PAAF1: variants seen among roughly 807,000 people sequenced by gnomAD.
PAAF1 encodes the protein proteasomal ATPase-associated factor 1.
PAAF1 carries 46 observed loss-of-function variants against 52.8 expected under a neutral mutation model. The observed-to-expected ratio is 0.87, with a 90% confidence interval of 0.69 to 1.11. The LOEUF is 1.11. PAAF1 is among the 50% of genes most tolerant of loss of function. The probability of loss-of-function intolerance (pLI) is 0.00; values close to 1 mark genes in which losing one functional copy is unlikely to be tolerated. For synonymous variants in PAAF1, 178 were observed against 172.8 expected (o/e 1.03, Z -0.24); for missense variants, 424 against 477.4 (o/e 0.89, Z 1.04).
In PAAF1 at chr11:73,900,370, G is replaced by T; in HGVS notation, c.482G>T (p.Trp161Leu). 6.2e-7 allele frequency: 1 copy of T among 1,612,456 alleles called. No homozygotes were observed. Among genetic ancestry groups the T allele is most frequent in the Non-Finnish European group, 8.5e-7 (1 of 1,178,858 alleles). ...SGGMDAQLKI[W>L]SAEDASCVVT... is the part of the protein sequence containing the mutation. ...GGAATGGATGCCCAGCTGAAGATAT[G>T]GTCAGCTGAAGATGCTAGCTGCGTG... Residue 161 changes from tryptophan to leucine, a missense_variant, in exon 6 of 12, where the codon TGG (tryptophan) becomes TTG (leucine). Transcript: ENST00000310571.
Position 73,914,440 on chromosome 11 carries a change from A to G in PAAF1, c.755A>G (p.Lys252Arg). The G allele has an allele frequency of 6.2e-7, 1 of 1,614,072 alleles. No homozygotes were observed. The highest frequency in any genetic ancestry group is 2.2e-5 in the East Asian group (1 of 44,872). ...GAACGGGAGGTTGGAACAGAGGCCA[A>G]AATGCTGCTCTTGGCCCGGGAAGAT... ...PSEREVGTEA[K>R]MLLLAREDKK... The change falls in exon 8 of 12, where the codon AAA becomes AGA. Residue 252 changes from lysine (K) to arginine (R), a missense_variant. Coordinates refer to ENST00000310571, the MANE Select transcript of PAAF1 (RefSeq NM_025155.3).
chr11:73,900,464 A>G (rs78860005), intron 6 of PAAF1, 44 bp downstream of exon 6: 2 of 1,505,206 alleles, frequency 1.3e-6, no homozygotes, highest in East Asian at 4.7e-5. Flanking sequence ...AATGATCCCC[A>G]GAAATGAATC....
chr11:73,908,345 ATGTGTATATATG>A (rs1344362955), intron 6 of PAAF1, among the ~76,000 whole-genome samples: 7 of 146,010 alleles, frequency 4.8e-5, no homozygotes, highest in Non-Finnish European at 7.5e-5. Flanking sequence ...ATGTGTATAT[ATGTGTATATATG>A]TGTGTATATA....
At position 73,909,278 on chromosome 11, in the gene PAAF1, T is replaced by C. The variant is rs189031874; in HGVS notation, c.533-121T>C. 4.7e-5 allele frequency: 37 copies of C among 784,738 alleles called. No homozygotes were observed. The African/African-American group carries it at 6.4e-4, about 14-fold the overall frequency. 48.6% of individuals were successfully genotyped at this position (784,738 alleles called of 1,614,324 possible). On this transcript the variant is annotated intron_variant, in intron 6 of 11. Transcript: ENST00000310571. ...TTCTAGCACTTGAACATGGCCAGCATGTGGTACCTGTTCAGAACATGTTTG... is the reference window on the plus strand; with the variant it reads ...TTCTAGCACTTGAACATGGCCAGCACGTGGTACCTGTTCAGAACATGTTTG...
intron 2 of PAAF1, among the ~76,000 whole-genome samples, chr11:73,882,046 G>C (rs1416584831): frequency 2.7e-5 from 4 of 150,090 alleles, no homozygotes; most frequent in African/African-American, 9.8e-5. Flanking sequence ...GGCTAATTTT[G>C]TATTTTTTTT....
intron 3 of PAAF1, among the ~76,000 whole-genome samples, chr11:73,890,747 T>G (rs995583780): frequency 1.3e-5 from 2 of 152,258 alleles, no homozygotes; most frequent in Admixed American, 6.5e-5. Flanking sequence ...CTCTTCGCAC[T>G]GATCCTGTTC....
At chr11:73,907,003 A>G (rs556066272) in intron 6 of PAAF1, among the ~76,000 whole-genome samples, 39 of 150,122 alleles carry the variant, frequency 2.6e-4, no homozygotes, top group African/African-American at 9.1e-4. Flanking sequence ...ACTCCATACA[A>G]CTCTGTGTTT....
In PAAF1 at chr11:73,908,127, C is replaced by T. The variant is rs139955230; in HGVS notation, c.533-1272C>T. On this transcript the variant is annotated intron_variant, in intron 6 of 11. Transcript: ENST00000310571. Reference sequence around the variant, plus strand: ...AGCAATGGGACTACTCTTTCTTGGCCAAAACCAGAAGTCATGTCCTTTTTT... The same window carrying T: ...AGCAATGGGACTACTCTTTCTTGGCTAAAACCAGAAGTCATGTCCTTTTTT... 2.7e-3 allele frequency among the ~76,000 whole-genome samples: 403 copies of T among 151,938 alleles called. 3 individuals carry two copies. The highest frequency in any genetic ancestry group is 8.4e-3 in the African/African-American group (349 of 41,420).
Position 73,909,536 on chromosome 11 carries a change from G to GA in PAAF1, c.670_671insA (p.Val224AspfsTer7). On this transcript the variant is annotated frameshift_variant, in exon 7 of 12. Coordinates refer to ENST00000310571, the MANE Select transcript of PAAF1 (RefSeq NM_025155.3). LOFTEE classifies it high-confidence loss of function. ...AGATTGTGGTTCTTCTATCAATGGA[G>GA]TGGCGGTGGGTGCTGCTGACAACTC... The GA allele has an allele frequency of 6.2e-7, 1 of 1,614,172 alleles. No homozygotes were observed.
At chr11:73,918,370 T>G (rs1276985357) in intron 9 of PAAF1, among the ~76,000 whole-genome samples, 2 of 144,760 alleles carry the variant, frequency 1.4e-5, no homozygotes, top group African/African-American at 5.2e-5. Flanking sequence ...TTTTTTTTTT[T>G]TTTTTTTTTT....
chr11:73,921,035 C>T (rs374885062), intron 10 of PAAF1, among the ~76,000 whole-genome samples: 3 of 151,980 alleles, frequency 2.0e-5, no homozygotes, highest in East Asian at 3.9e-4. Context: ...TGCAGTGGCT[C>T]ACATCTGTTA....
At chr11:73,893,474 T>C (rs1041231454) in intron 4 of PAAF1, among the ~76,000 whole-genome samples, 2 of 152,092 alleles carry the variant, frequency 1.3e-5, no homozygotes, top group African/African-American at 4.8e-5. Flanking sequence ...CAGTGGCTCA[T>C]GCCTGTAATC....
intron 2 of PAAF1, 158 bp downstream of exon 2, chr11:73,878,977 C>T (rs1948820595): frequency 4.1e-6 from 2 of 491,680 alleles, no homozygotes; most frequent in Non-Finnish European, 7.1e-6. Flanking sequence ...CCAACTCCTC[C>T]ATTCCAAGGG....
chr11:73,905,349 A>G (rs1286505024), intron 6 of PAAF1, among the ~76,000 whole-genome samples: 7 of 151,700 alleles, frequency 4.6e-5, no homozygotes, highest in Non-Finnish European at 1.0e-4. Context: ...TCAGCTTCCC[A>G]AGTAGCTGGG....
upstream of PAAF1, chr11:73,876,906 A>G (rs887349860): frequency 3.7e-6 from 4 of 1,082,528 alleles, no homozygotes; most frequent in East Asian, 9.3e-5. Flanking sequence ...TGAAAAAGTC[A>G]CGTTTTCATT....
chr11:73,901,782 CTGGTCTCAAACTCTTGACCTCAGGG>C (rs1949619958), intron 6 of PAAF1, among the ~76,000 whole-genome samples: 1 of 151,792 alleles, frequency 6.6e-6, no homozygotes, highest in South Asian at 2.1e-4. Context: ...ATTGGTCAGG[CTGGTCTCAAACTCTTGACCTCAGGG>C]TGATCCACCA....
intron 6 of PAAF1, among the ~76,000 whole-genome samples, 188 bp from the exon 7 acceptor site, chr11:73,909,211 T>G (rs1949859193): frequency 6.6e-6 from 1 of 152,364 alleles, no homozygotes; most frequent in South Asian, 2.1e-4. Flanking sequence ...CTTTCACAGC[T>G]AGACTTTGAT....
rs753892889 is a variant in PAAF1, at chr11:73,924,603, TC to T, written c.1019-11del. The T allele has an allele frequency of 8.6e-4, 1,385 of 1,611,086 alleles. 7 individuals are homozygous for T. Among genetic ancestry groups the T allele is most frequent in the Non-Finnish European group, 2.7e-4 (314 of 1,177,414 alleles). Reference sequence around the variant, plus strand: ...TTCTCTTAGTTATATGAATTTTCTTTCTGCCTTTCAGGTGATGGAAGCTGTT... The same window carrying T: ...TTCTCTTAGTTATATGAATTTTCTTTTGCCTTTCAGGTGATGGAAGCTGTT... On this transcript the variant is annotated splice_polypyrimidine_tract_variant and intron_variant, in intron 10 of 11. Transcript: ENST00000310571.
At chr11:73,924,584 T>C in intron 10 of PAAF1, 31 bp from the exon 11 acceptor site, 1 of 1,561,346 alleles carries the variant, frequency 6.4e-7, no homozygotes, top group Non-Finnish European at 8.8e-7. Context: ...AGTTTTCTCT[T>C]AGTTATATGA....
Sources: allele counts gnomAD v4.1 joint callset (sites outside exome capture counted in the v4.1 genomes callset), GRCh38; gene constraint gnomAD v4.1.1; transcripts MANE v1.5; gene names NCBI Gene and HGNC (gene_info 2026-07-23, HGNC 2026-07-21).